VPS13B: variants seen among roughly 807,000 people sequenced by gnomAD.
VPS13B encodes intermembrane lipid transfer protein VPS13B.
In VPS13B, 285 loss-of-function variants were observed where a neutral mutation model predicts 426.4. That is an observed-to-expected ratio of 0.67 (90% CI 0.61 to 0.74). The LOEUF (loss-of-function observed/expected upper bound fraction) is 0.74. Among genes scored for constraint, VPS13B ranks in the 30% least tolerant of loss-of-function variants. The pLI is 0.00. For synonymous variants in VPS13B, 1,676 were observed against 1,676.4 expected, an observed-to-expected ratio of 1.00 and a Z score of 0.01; for missense variants, 4,537 against 4,782.6, an observed-to-expected ratio of 0.95 and a Z score of 1.51.
At position 99,135,791 on chromosome 8, in the gene VPS13B, T is replaced by C; in HGVS notation, c.1563+58T>C. 2.5e-6 allele frequency: 4 copies of C among 1,601,372 alleles called. No individual in the cohort carries two copies. In the South Asian group the frequency reaches 4.5e-5, roughly 18 times the overall value. ...GCTGTGTTTGGGTGGACACATTGTA[T>C]GAATACTTGTGATTTCTAGCTTTCT... On this transcript the variant is annotated intron_variant, in intron 11 of 61. Transcript: ENST00000357162.
At chr8:99,197,680 G>C (rs1271603901) in intron 17 of VPS13B, among the ~76,000 whole-genome samples, 2 of 151,816 alleles carry the variant, frequency 1.3e-5, no homozygotes, top group Non-Finnish European at 2.9e-5. Flanking sequence ...TTATTTATTT[G>C]AGCATGCTCC....
intron 2 of VPS13B, among the ~76,000 whole-genome samples, chr8:99,016,573 A>T (rs932376705): frequency 1.1e-4 from 12 of 107,362 alleles, no homozygotes; most frequent in East Asian, 2.5e-4. Flanking sequence ...TGTCTTATTG[A>T]TATATAGGAA....
chr8:99,704,715 A>C (rs1832427208), intron 36 of VPS13B, among the ~76,000 whole-genome samples: 1 of 152,154 alleles, frequency 6.6e-6, no homozygotes, highest in Non-Finnish European at 1.5e-5. Context: ...ACCTTAATGA[A>C]TATTGGGTGT....
At chr8:99,142,845 A>G (rs1810506156) in intron 12 of VPS13B, 129 bp from the exon 13 acceptor site, 1 of 842,766 alleles carries the variant, frequency 1.2e-6, no homozygotes, top group Non-Finnish European at 1.8e-6. Flanking sequence ...GGCTCTCTGT[A>G]TGCAGCTGAT....
intron 33 of VPS13B, 75 bp from the exon 34 acceptor site, chr8:99,641,736 A>G (rs1829372982): frequency 1.4e-6 from 2 of 1,402,548 alleles, no homozygotes; most frequent in African/African-American, 1.5e-5. Context: ...CTTTGACAAC[A>G]TGTTTATATA....
At chr8:99,747,546 C>T (rs961793590) in intron 39 of VPS13B, among the ~76,000 whole-genome samples, 4 of 151,596 alleles carry the variant, frequency 2.6e-5, no homozygotes, top group African/African-American at 4.8e-5. Flanking sequence ...ATTCTGATGC[C>T]CTTTGGAATT....
At chr8:99,526,263 A>G (rs1466058359) in intron 30 of VPS13B, among the ~76,000 whole-genome samples, 5 of 152,202 alleles carry the variant, frequency 3.3e-5, no homozygotes, top group Admixed American at 6.5e-5. Context: ...TATTTTTGCT[A>G]CTTGAGTTAA....
chr8:99,131,442 T>C (rs1469999437), intron 8 of VPS13B, among the ~76,000 whole-genome samples: 3 of 152,230 alleles, frequency 2.0e-5, no homozygotes, highest in Non-Finnish European at 2.9e-5. Context: ...ATTTTTTGTT[T>C]TGTTAATATC....
chr8:99,724,218 C>G (rs543253406), intron 39 of VPS13B, among the ~76,000 whole-genome samples: 26 of 152,298 alleles, frequency 1.7e-4, no homozygotes, highest in Non-Finnish European at 3.8e-4. Context: ...TGGGCTTGCT[C>G]TGGGGGATCC....
chr8:99,825,766 C>A (rs887389787), intron 51 of VPS13B, among the ~76,000 whole-genome samples: 2 of 152,148 alleles, frequency 1.3e-5, no homozygotes, highest in Non-Finnish European at 2.9e-5. Context: ...AGGAAGGGAT[C>A]CAGTTTCAGT....
intron 19 of VPS13B, among the ~76,000 whole-genome samples, chr8:99,377,689 A>G (rs1813561330): frequency 6.6e-6 from 1 of 152,008 alleles, no homozygotes; most frequent in African/African-American, 2.4e-5. Flanking sequence ...ATAAAGAGAA[A>G]GGCTACAAAA....
At chr8:99,587,484 G>C (rs1399112521) in intron 33 of VPS13B, among the ~76,000 whole-genome samples, 1 of 151,668 alleles carries the variant, frequency 6.6e-6, no homozygotes, top group Non-Finnish European at 1.5e-5. Flanking sequence ...CCCAGCACCT[G>C]TTGTTTCCTG....
intron 35 of VPS13B, among the ~76,000 whole-genome samples, chr8:99,667,309 A>G (rs1830527670): frequency 1.3e-5 from 2 of 152,112 alleles, no homozygotes; most frequent in South Asian, 4.1e-4. Flanking sequence ...ATGACTTATC[A>G]TATATGATTT....
chr8:99,276,071 A>T (rs1301229507), intron 19 of VPS13B, among the ~76,000 whole-genome samples: 1 of 152,212 alleles, frequency 6.6e-6, no homozygotes, highest in East Asian at 1.9e-4. Context: ...GCTTATAGAA[A>T]GTATGTTCAG....
At chr8:99,236,648 C>T (rs1171500226) in intron 17 of VPS13B, among the ~76,000 whole-genome samples, 1 of 152,092 alleles carries the variant, frequency 6.6e-6, no homozygotes, top group Non-Finnish European at 1.5e-5. Context: ...AATGATGTTT[C>T]CTGAAGGACA....
At chr8:99,856,980 G>T (rs1816581009) in intron 56 of VPS13B, among the ~76,000 whole-genome samples, 1 of 152,172 alleles carries the variant, frequency 6.6e-6, no homozygotes, top group South Asian at 2.1e-4. Flanking sequence ...TTATCCTGAG[G>T]CCCCTCTCTA....
chr8:99,494,522 C>T (rs942797671), intron 25 of VPS13B, among the ~76,000 whole-genome samples: 1 of 152,180 alleles, frequency 6.6e-6, no homozygotes, highest in Admixed American at 6.5e-5. Flanking sequence ...AGAAACACAA[C>T]TGATTTGTGT....
intron 25 of VPS13B, among the ~76,000 whole-genome samples, chr8:99,497,129 C>A (rs60373317): frequency 0.22 from 26,474 of 118,136 alleles, 3,115 homozygotes; most frequent in East Asian, 0.42. Flanking sequence ...TTATATATTT[C>A]ATATATAAAT....
At chr8:99,859,515 CT>C (rs774462414) in intron 57 of VPS13B, 35 bp downstream of exon 57, 2 of 1,596,366 alleles carry the variant, frequency 1.3e-6, no homozygotes, top group Non-Finnish European at 1.7e-6. Context: ...AATGCCTTCA[CT>C]CCTTCCCTTT....
Sources: allele counts gnomAD v4.1 joint callset (sites outside exome capture counted in the v4.1 genomes callset), GRCh38; gene constraint gnomAD v4.1.1; transcripts MANE v1.5; gene names NCBI Gene and HGNC (gene_info 2026-07-23, HGNC 2026-07-21).